Variants in PLEKHS1 observed in about 807,000 individuals in gnomAD.
PLEKHS1 encodes the protein pleckstrin homology domain containing S1.
PLEKHS1 carries 55 observed loss-of-function variants against 51.0 expected under a neutral mutation model. That is an observed-to-expected ratio of 1.08 (90% CI 0.87 to 1.35). The LOEUF (loss-of-function observed/expected upper bound fraction) is 1.35. PLEKHS1 is among the 40% of genes most tolerant of loss of function. The pLI, the probability that PLEKHS1 is intolerant of heterozygous loss-of-function variation, is 0.00. For missense variants in PLEKHS1, 398 were observed against 423.0 expected (o/e 0.94, Z 0.52); for synonymous variants, 153 against 144.8 (o/e 1.06, Z -0.41).
rs755385157 is a variant in PLEKHS1 at position 113,775,728 on chromosome 10, T to C, written c.990-37T>C. ...AAGTACAGTTGAGAGCCAAGGTCAG[T>C]TGCCTGATGTGACTTTTACAAATGT... On this transcript the variant is annotated intron_variant, in intron 10 of 11. Coordinates refer to ENST00000361048, the Ensembl canonical transcript of PLEKHS1. 6 of 1,474,052 alleles carry C rather than the reference T, an allele frequency of 4.1e-6. No homozygotes were observed. In the South Asian group the frequency reaches 6.0e-5, roughly 15 times the overall value. 91.3% of individuals were successfully genotyped at this position (1,474,052 alleles called of 1,614,324 possible). A position where few individuals can be genotyped will look rare whatever the true frequency, so the allele number is the denominator to read the frequency against.
Position 113,766,866 on chromosome 10 carries a change from A to C in PLEKHS1, c.224+148A>C, listed in dbSNP as rs552959484. On this transcript the variant is annotated intron_variant, in intron 4 of 11. Transcript: ENST00000361048. ...TATTTGTGACTGAATAGGAGCTAAA[A>C]TAGTGAGCACTTTGAGTTAAAAGAT... 4.8e-5 allele frequency: 29 copies of C among 606,076 alleles called. No homozygotes were observed. The South Asian group carries it at 6.7e-4, about 14-fold the overall frequency. 37.5% of individuals were successfully genotyped at this position (606,076 alleles called of 1,614,324 possible).
At chr10:113,763,380 T>G (rs527715279) in intron 2 of PLEKHS1, among the ~76,000 whole-genome samples, 9 of 152,298 alleles carry the variant, frequency 5.9e-5, no homozygotes, top group African/African-American at 1.9e-4. Context: ...TCTTGCTTTT[T>G]TATCCAATCT....
At chr10:113,760,445 T>A (rs1400162240) in intron 2 of PLEKHS1, among the ~76,000 whole-genome samples, 2 of 152,066 alleles carry the variant, frequency 1.3e-5, no homozygotes, top group Admixed American at 6.6e-5. Context: ...CTTGAGCACA[T>A]GAGTTCCAGA....
At chr10:113,770,224 G>T (rs985735708) in intron 7 of PLEKHS1, among the ~76,000 whole-genome samples, 6 of 152,148 alleles carry the variant, frequency 3.9e-5, no homozygotes, top group African/African-American at 1.2e-4. Context: ...AGATCCCTCT[G>T]CCAAAAGATT....
intron 11 of PLEKHS1, 111 bp from the exon 12 acceptor site, chr10:113,777,013 G>C: frequency 8.3e-7 from 1 of 1,202,360 alleles, no homozygotes. Flanking sequence ...GAAGGAGATA[G>C]TCTACTTCAG....
intron 11 of PLEKHS1, among the ~76,000 whole-genome samples, chr10:113,779,761 G>A (rs1298956967): frequency 6.6e-6 from 1 of 152,042 alleles, no homozygotes; most frequent in Non-Finnish European, 1.5e-5. Context: ...AGTTTATCCT[G>A]ACTGCCTTTC....
chr10:113,771,022 G>A (rs1844378640), intron 7 of PLEKHS1, among the ~76,000 whole-genome samples: 1 of 152,122 alleles, frequency 6.6e-6, no homozygotes, highest in African/African-American at 2.4e-5. Context: ...TTTTTTTCTA[G>A]AGAACATTCA....
rs144200636 is a variant in PLEKHS1 at position 113,752,284 on chromosome 10, A to G, written c.-20+523A>G. Among the ~76,000 whole-genome samples, 9 of 152,324 alleles carry G rather than the reference A, an allele frequency of 5.9e-5. No homozygotes were observed. In the East Asian group the frequency reaches 1.7e-3, roughly 29 times the overall value. On this transcript the variant is annotated intron_variant, in intron 1 of 11. Coordinates refer to ENST00000361048, the Ensembl canonical transcript of PLEKHS1. ...CATTGTATCATTGTGAAAACAGTGC[A>G]AGCTTTAGAGTACGGTTATGAGGTT...
chr10:113,766,780 G>A, intron 4 of PLEKHS1, 62 bp downstream of exon 4: 1 of 1,265,420 alleles, frequency 7.9e-7, no homozygotes, highest in South Asian at 1.4e-5. Flanking sequence ...ACAGTAACAA[G>A]TTGCATGCAA....
chr10:113,768,979 AGTAACTG>A, intron 6 of PLEKHS1, 89 bp downstream of exon 6: 1 of 898,854 alleles, frequency 1.1e-6, no homozygotes, highest in Non-Finnish European at 1.7e-6. Context: ...TTGCCTCCTT[AGTAACTG>A]GCTTTAATAC....
chr10:113,754,794 T>C (rs11196475), intron 1 of PLEKHS1, among the ~76,000 whole-genome samples: 14,530 of 152,260 alleles, frequency 0.095, 781 homozygotes, highest in South Asian at 0.15. Flanking sequence ...GTCCTTGTTC[T>C]TAAGTTTCCC....
At chr10:113,758,886 ATGTT>A (rs1302386604) in intron 2 of PLEKHS1, among the ~76,000 whole-genome samples, 1 of 152,202 alleles carries the variant, frequency 6.6e-6, no homozygotes, top group Non-Finnish European at 1.5e-5. Flanking sequence ...GATGATGAAA[ATGTT>A]TGAGATATTG....
In PLEKHS1 at chr10:113,757,480, A is replaced by G. The variant is rs140961957; in HGVS notation, c.28+2175A>G. 5.6e-3 allele frequency among the ~76,000 whole-genome samples: 860 copies of G among 152,342 alleles called. 8 individuals are homozygous for G. The highest frequency in any genetic ancestry group is 0.019 in the African/African-American group (794 of 41,578). On this transcript the variant is annotated intron_variant, in intron 2 of 11. Coordinates refer to ENST00000361048, the Ensembl canonical transcript of PLEKHS1. ...GTGTAATAGCATTATGTCTAAGTAA[A>G]TAATTTGCATACCTTAATTAAAGAT... is the stretch of plus-strand genomic sequence containing the variant.
chr10:113,759,506 A>G (rs1593010794), intron 2 of PLEKHS1, among the ~76,000 whole-genome samples: 1 of 152,306 alleles, frequency 6.6e-6, no homozygotes, highest in Non-Finnish European at 1.5e-5. Context: ...TATTTATTAG[A>G]GTTTAACATA....
At chr10:113,777,207 C>A in intron 11 of PLEKHS1, 1 of 1,612,790 alleles carries the variant, frequency 6.2e-7, no homozygotes, top group South Asian at 1.1e-5. Context: ...GACCTGAAAC[C>A]CCAGAGCCTG....
intron 4 of PLEKHS1, among the ~76,000 whole-genome samples, chr10:113,767,063 TC>T (rs1354361661): frequency 2.0e-5 from 3 of 152,198 alleles, no homozygotes; most frequent in Admixed American, 6.5e-5. Flanking sequence ...CTTTTTTTGG[TC>T]TTCTCTTTAA....
intron 7 of PLEKHS1, 127 bp from the exon 8 acceptor site, chr10:113,771,843 T>G (rs1290305806): frequency 2.7e-6 from 3 of 1,106,994 alleles, no homozygotes; most frequent in Non-Finnish European, 1.3e-6. Flanking sequence ...AGCTTCTGGA[T>G]GTAATCTTGG....
intron 10 of PLEKHS1, 35 bp from the exon 11 acceptor site, chr10:113,775,730 G>T: frequency 6.7e-7 from 1 of 1,492,224 alleles, no homozygotes; most frequent in African/African-American, 1.4e-5. Flanking sequence ...AAGGTCAGTT[G>T]CCTGATGTGA....
chr10:113,782,443 G>A (rs960703800), downstream of PLEKHS1: 1 of 152,162 alleles, frequency 6.6e-6, no homozygotes, highest in African/African-American at 2.4e-5. Flanking sequence ...ATACGGTTTG[G>A]ATCTGTGTCC....
Sources: gnomAD v4.1 joint callset for allele counts (sites outside exome capture counted in the v4.1 genomes callset) on GRCh38, gnomAD v4.1.1 for gene constraint, MANE v1.5 for transcripts, NCBI Gene and HGNC (gene_info 2026-07-23, HGNC 2026-07-21) for gene names.